Variants in PARG observed in about 807,000 individuals in gnomAD.
PARG encodes mitochondrial poly(ADP-ribose) glycohydrolase.
PARG carries 35 observed loss-of-function variants against 113.0 expected under a neutral mutation model. That is an observed-to-expected ratio of 0.31 (90% CI 0.24 to 0.41). The LOEUF is 0.41. Among genes scored for constraint, PARG ranks in the 10% least tolerant of loss-of-function variants. PARG has a pLI of 1.00. For synonymous variants in PARG, 330 were observed against 409.9 expected (o/e 0.81, Z 2.36); for missense variants, 797 against 1,169.4 (o/e 0.68, Z 4.64).
intron 7 of PARG, among the ~76,000 whole-genome samples, chr10:49,901,695 T>C (rs1848354704): frequency 6.6e-6 from 1 of 151,876 alleles, no homozygotes; most frequent in African/African-American, 2.4e-5. Flanking sequence ...TTAAAACAAA[T>C]GCTATTACAA....
intron 14 of PARG, among the ~76,000 whole-genome samples, 158 bp downstream of exon 14, chr10:49,843,396 G>A (rs548257570): frequency 6.3e-4 from 96 of 152,142 alleles, no homozygotes; most frequent in Non-Finnish European, 1.2e-3. Context: ...TGGTAATAGT[G>A]TTTTCAATGC....
At chr10:49,911,144 G>A (rs1208230142) in intron 7 of PARG, among the ~76,000 whole-genome samples, 1 of 152,046 alleles carries the variant, frequency 6.6e-6, no homozygotes, top group East Asian at 1.9e-4. Flanking sequence ...TTAGCCTGGC[G>A]TGGTGGTGGG....
intron 4 of PARG, among the ~76,000 whole-genome samples, chr10:49,928,035 G>T (rs1838297906): frequency 6.6e-6 from 1 of 152,042 alleles, no homozygotes. Context: ...ACATTGGGGG[G>T]CCCAGGCGGG....
At chr10:49,915,147 T>A (rs1837399700) in intron 7 of PARG, among the ~76,000 whole-genome samples, 1 of 144,390 alleles carries the variant, frequency 6.9e-6, no homozygotes, top group Non-Finnish European at 1.5e-5. Flanking sequence ...TTGTCAAAAT[T>A]AAAAATTTTT....
intron 7 of PARG, among the ~76,000 whole-genome samples, chr10:49,900,681 C>A (rs1437963234): frequency 3.3e-5 from 5 of 152,306 alleles, no homozygotes; most frequent in African/African-American, 1.2e-4. Flanking sequence ...AAAGAATTTA[C>A]TTCTCAGTAC....
At chr10:49,904,540 G>A (rs1395621357) in intron 7 of PARG, among the ~76,000 whole-genome samples, 1 of 151,938 alleles carries the variant, frequency 6.6e-6, no homozygotes, top group African/African-American at 2.4e-5. Context: ...TGTTGATAAT[G>A]GGGGAGGGTG....
intron 4 of PARG, among the ~76,000 whole-genome samples, chr10:49,925,792 G>T (rs1451997666): frequency 6.6e-6 from 1 of 152,178 alleles, no homozygotes; most frequent in Admixed American, 6.5e-5. Context: ...AGAAAATCTC[G>T]AATCCCTTTG....
At position 49,879,716 on chromosome 10, in the gene PARG, T is replaced by C. The variant is rs782257763; in HGVS notation, c.1945A>G (p.Met649Val). ...FCTFPRRNAK[M>V]KSEYSSYPDI... ...GGGTAACTAGAATACTCCGATTTCA[T>C]CTTAGCATTTCGTCGTGGAAATGTG... is the stretch of plus-strand genomic sequence containing the variant. The change falls in exon 9 of 18, where the codon ATG becomes GTG. Residue 649 changes from methionine to valine, a missense_variant. Physicochemically the swap from Met to Val is conservative, Grantham distance 21. Around this residue, in one of 5 missense-constraint regions of PARG, gnomAD observed 252 missense variants for 437.4 expected, o/e 0.58. Coordinates refer to ENST00000616448, the MANE Select transcript of PARG (RefSeq NM_003631.5). 3.5e-5 allele frequency: 55 copies of C among 1,575,100 alleles called. No individual in the cohort carries two copies. The highest frequency in any genetic ancestry group is 7.4e-5 in the Admixed American group (4 of 54,090).
In PARG at chr10:49,922,750, A is replaced by C; in HGVS notation, c.1456-81T>G. ...TAAAATAATCCTAAGTAACCAAAGCAAATGCTATAAAATAGAGACCAGCTC... is the reference window on the plus strand; with the variant it reads ...TAAAATAATCCTAAGTAACCAAAGCCAATGCTATAAAATAGAGACCAGCTC... On this transcript the variant is annotated intron_variant, in intron 4 of 17. Transcript: ENST00000616448. 3 of 825,186 alleles carry C rather than the reference A, an allele frequency of 3.6e-6. No individual in the cohort carries two copies. In the East Asian group the frequency reaches 8.4e-5, roughly 23 times the overall value. The allele number at this position is 825,186 out of a possible 1,614,324, so 51.1% of individuals were successfully genotyped here.
In PARG at chr10:49,922,656, C is replaced by T. The variant is rs781902817; in HGVS notation, c.1469G>A (p.Arg490Gln). 1.8e-5 allele frequency: 28 copies of T among 1,569,162 alleles called. No homozygotes were observed. The highest frequency in any genetic ancestry group is 4.6e-5 in the South Asian group (4 of 86,202). ...HTVTIRVDLL[R>Q]AGEVPKPFPT... ...AAAAGGTTTAGGAACTTCTCCTGCT[C>T]GCAAAAGATCTACCTGAAATTGAGG... is the stretch of plus-strand genomic sequence containing the variant. The change falls in exon 5 of 18, where the codon CGA becomes CAA. Residue 490 changes from arginine to glutamine, a missense_variant. Physicochemically the swap from Arg to Gln is conservative, Grantham distance 43. Coordinates refer to ENST00000616448, the MANE Select transcript of PARG (RefSeq NM_003631.5).
At chr10:49,839,711 T>A (rs576036950) in intron 15 of PARG, among the ~76,000 whole-genome samples, 86 of 152,344 alleles carry the variant, frequency 5.6e-4, no homozygotes, top group African/African-American at 1.9e-3. Context: ...TAAAAGATCA[T>A]AATTGAGGAT....
chr10:49,922,311 G>A, intron 6 of PARG, 25 bp downstream of exon 6: 1 of 1,584,750 alleles, frequency 6.3e-7, no homozygotes, highest in Non-Finnish European at 8.6e-7. Flanking sequence ...CCCATAAACA[G>A]GCAAGCATGG....
intron 7 of PARG, among the ~76,000 whole-genome samples, chr10:49,897,169 T>C (rs572257265): frequency 6.6e-6 from 1 of 152,320 alleles, no homozygotes; most frequent in Non-Finnish European, 1.5e-5. Context: ...CCATACTGAC[T>C]TCATTAAATA....
intron 6 of PARG, among the ~76,000 whole-genome samples, chr10:49,917,708 A>G (rs1487522497): frequency 1.3e-5 from 2 of 149,480 alleles, no homozygotes; most frequent in Admixed American, 6.7e-5. Context: ...TCTCAGCTAC[A>G]TGAGGGTGCT....
intron 7 of PARG, among the ~76,000 whole-genome samples, chr10:49,913,424 C>T (rs1837305277): frequency 6.6e-6 from 1 of 152,154 alleles, no homozygotes; most frequent in Non-Finnish European, 1.5e-5. Context: ...TAAGGCTAAA[C>T]ATTATAAAAT....
chr10:49,879,071 T>G (rs1167968602), intron 9 of PARG, among the ~76,000 whole-genome samples: 2 of 152,202 alleles, frequency 1.3e-5, no homozygotes. Context: ...ACTTTATCAA[T>G]ACCTTCACAC....
intron 7 of PARG, among the ~76,000 whole-genome samples, chr10:49,896,481 TACTATGTTGGCCAGGCTGGCCTCGA>T (rs1436572245): frequency 6.6e-6 from 1 of 152,134 alleles, no homozygotes; most frequent in East Asian, 1.9e-4. Context: ...GATGGAGTTT[TACTATGTTGGCCAGGCTGGCCTCGA>T]ACTCCTAACC....
At chr10:49,835,903 C>T (rs79470049) in intron 15 of PARG, among the ~76,000 whole-genome samples, 271 of 152,228 alleles carry the variant, frequency 1.8e-3, no homozygotes, top group Non-Finnish European at 2.7e-3. Flanking sequence ...TTTCATAGCA[C>T]CTGCCCTATG....
chr10:49,918,821 A>C (rs1837640656), intron 6 of PARG, among the ~76,000 whole-genome samples: 1 of 152,206 alleles, frequency 6.6e-6, no homozygotes, highest in Admixed American at 6.5e-5. Flanking sequence ...ATCTACCATA[A>C]GGGAAACGCA....
Sources: allele counts gnomAD v4.1 joint callset (sites outside exome capture counted in the v4.1 genomes callset), GRCh38; gene constraint gnomAD v4.1.1; regional missense constraint gnomAD v4.1.1; transcripts MANE v1.5; gene names NCBI Gene and HGNC (gene_info 2026-07-23, HGNC 2026-07-21).